Variants in NPAS3 observed in about 807,000 individuals in gnomAD.
NPAS3 encodes neuronal PAS domain-containing protein 3.
Under a neutral mutation model 73.1 loss-of-function variants are expected in NPAS3, and 14 were observed. The observed-to-expected ratio is 0.19, with a 90% CI of 0.13 to 0.30. The LOEUF (loss-of-function observed/expected upper bound fraction) is 0.30, where lower values mean the gene tolerates loss of function less well. NPAS3 is among the 10% of genes least tolerant of loss of function. The pLI is 1.00. For missense variants in NPAS3, 1,096 were observed against 1,250.0 expected, an observed-to-expected ratio of 0.88 and a Z score of 1.86; for synonymous variants, 620 against 541.5, an observed-to-expected ratio of 1.14 and a Z score of -2.01.
chr14:33,078,577 T>G (rs1222806551), intron 2 of NPAS3, among the ~76,000 whole-genome samples: 4 of 150,804 alleles, frequency 2.7e-5, no homozygotes, highest in African/African-American at 9.7e-5. Context: ...GAACCACAGA[T>G]TTCCAAAAAC....
intron 4 of NPAS3, among the ~76,000 whole-genome samples, chr14:33,449,631 G>A (rs917993571): frequency 2.7e-5 from 4 of 148,646 alleles, no homozygotes; most frequent in African/African-American, 9.8e-5. Context: ...GCACACACAT[G>A]CACACACACA....
chr14:33,346,687 A>T (rs765445605), intron 3 of NPAS3, among the ~76,000 whole-genome samples: 5 of 152,200 alleles, frequency 3.3e-5, no homozygotes, highest in African/African-American at 1.2e-4. Flanking sequence ...AGTGTTAAGC[A>T]GAGCTTGAGT....
intron 3 of NPAS3, among the ~76,000 whole-genome samples, chr14:33,303,221 A>T (rs1022392330): frequency 6.6e-6 from 1 of 152,120 alleles, no homozygotes; most frequent in Non-Finnish European, 1.5e-5. Flanking sequence ...TTAATGGTGA[A>T]TAGGATTGTG....
intron 3 of NPAS3, among the ~76,000 whole-genome samples, chr14:33,263,856 C>T (rs2049068099): frequency 6.6e-6 from 1 of 152,088 alleles, no homozygotes; most frequent in Non-Finnish European, 1.5e-5. Flanking sequence ...AAGTTGGATT[C>T]CTAGGTATTT....
intron 3 of NPAS3, among the ~76,000 whole-genome samples, chr14:33,278,893 C>T (rs899180579): frequency 6.6e-6 from 1 of 152,130 alleles, no homozygotes; most frequent in Non-Finnish European, 1.5e-5. Context: ...AGAAAGGACA[C>T]GAAGATTTCT....
chr14:33,554,400 T>C (rs905133358), intron 4 of NPAS3, among the ~76,000 whole-genome samples: 2 of 152,326 alleles, frequency 1.3e-5, no homozygotes, highest in African/African-American at 2.4e-5. Context: ...TGAGCCTGAA[T>C]TGGAAGAACA....
chr14:33,282,940 T>A (rs2140071071), intron 3 of NPAS3, among the ~76,000 whole-genome samples: 1 of 152,322 alleles, frequency 6.6e-6, no homozygotes, highest in South Asian at 2.1e-4. Context: ...CTAACCCTGT[T>A]CCTTTGACTT....
chr14:33,645,103 A>C (rs1297922752), intron 5 of NPAS3, among the ~76,000 whole-genome samples: 2 of 152,060 alleles, frequency 1.3e-5, no homozygotes, highest in Non-Finnish European at 2.9e-5. Flanking sequence ...AAAAGAAAGA[A>C]AGAAAAAAGA....
chr14:33,448,720 C>T (rs188806786), intron 4 of NPAS3, among the ~76,000 whole-genome samples: 2 of 152,272 alleles, frequency 1.3e-5, no homozygotes, highest in African/African-American at 2.4e-5. Flanking sequence ...TCTGGATCCA[C>T]GATGAAAATA....
intron 4 of NPAS3, among the ~76,000 whole-genome samples, chr14:33,491,906 A>T (rs759982828): frequency 6.6e-6 from 1 of 152,150 alleles, no homozygotes; most frequent in South Asian, 2.1e-4. Context: ...AATGTATGGT[A>T]TGTGCAGACA....
At chr14:33,482,636 C>T (rs1307186921) in intron 4 of NPAS3, among the ~76,000 whole-genome samples, 2 of 151,968 alleles carry the variant, frequency 1.3e-5, no homozygotes, top group African/African-American at 2.4e-5. Context: ...CACCTCAGAG[C>T]CTCCCTCTCT....
intron 5 of NPAS3, among the ~76,000 whole-genome samples, chr14:33,599,704 G>A (rs1324153123): frequency 2.0e-5 from 3 of 152,180 alleles, no homozygotes; most frequent in African/African-American, 2.4e-5. Context: ...AGAACTCTGT[G>A]AGGAGAGAGG....
chr14:33,090,436 G>A (rs934045580), intron 2 of NPAS3, among the ~76,000 whole-genome samples: 2 of 152,120 alleles, frequency 1.3e-5, no homozygotes, highest in African/African-American at 4.8e-5. Context: ...TCAATTCAAT[G>A]AGAAGAGCTA....
At chr14:33,792,695 C>T (rs1323782557) in intron 9 of NPAS3, among the ~76,000 whole-genome samples, 1 of 152,120 alleles carries the variant, frequency 6.6e-6, no homozygotes, top group Non-Finnish European at 1.5e-5. Context: ...AGGACTCTGG[C>T]TTGTTCTGGT....
chr14:33,357,563 A>G (rs1015317734), intron 3 of NPAS3, among the ~76,000 whole-genome samples: 2 of 152,360 alleles, frequency 1.3e-5, no homozygotes, highest in Admixed American at 6.5e-5. Context: ...GAGAAAAGTC[A>G]TCTTTGGACC....
At chr14:33,401,213 A>G (rs1488185045) in intron 4 of NPAS3, among the ~76,000 whole-genome samples, 8 of 152,124 alleles carry the variant, frequency 5.3e-5, no homozygotes, top group Non-Finnish European at 1.0e-4. Flanking sequence ...TGAAAATTGT[A>G]TTTCCATCTT....
At chr14:33,215,189 G>A in exon 3 of NPAS3, 1 of 1,613,780 alleles carries the variant, frequency 6.2e-7, no homozygotes, top group Non-Finnish European at 8.5e-7. Flanking sequence ...CAGTTTACAA[G>A]CATTGAGAAA....
rs540257467 is a variant in NPAS3, at chr14:33,529,894, A to G, written c.469-30227A>G. ...TACCAAGCGGCAGCATGTTCTATTA[A>G]CATATTTTACTAATATGAAAGTTGC... On this transcript the variant is annotated intron_variant, in intron 4 of 11. Transcript: ENST00000356141. Among the ~76,000 whole-genome samples the G allele has an allele frequency of 5.3e-4, 80 of 152,264 alleles. 1 individual carries two copies. Among genetic ancestry groups the G allele is most frequent in the African/African-American group, 1.8e-3 (75 of 41,570 alleles).
chr14:33,089,789 C>G (rs111712885), intron 2 of NPAS3, among the ~76,000 whole-genome samples: 2 of 152,192 alleles, frequency 1.3e-5, no homozygotes, highest in African/African-American at 4.8e-5. Flanking sequence ...ATCAGACTAA[C>G]AGCAGATCTC....
Sources: allele counts gnomAD v4.1 joint callset (sites outside exome capture counted in the v4.1 genomes callset), GRCh38; gene constraint gnomAD v4.1.1; transcripts MANE v1.5; gene names NCBI Gene and HGNC (gene_info 2026-07-23, HGNC 2026-07-21).